Variants in SPATA6 observed in about 807,000 individuals in gnomAD.
SPATA6 encodes spermatogenesis associated 6, also known as spermatogenesis-associated protein 6.
SPATA6 carries 56 observed loss-of-function variants against 65.3 expected under a neutral mutation model. The ratio of observed to expected loss-of-function variants is 0.86; its 90% confidence interval spans 0.69 to 1.07. The LOEUF (loss-of-function observed/expected upper bound fraction) is 1.07. Ranked by LOEUF, SPATA6 falls within the 50% of genes least tolerant of loss-of-function variation. The pLI is 0.00. For missense variants in SPATA6, 590 were observed against 594.8 expected, an observed-to-expected ratio of 0.99 and a Z score of 0.08; for synonymous variants, 199 against 213.2, an observed-to-expected ratio of 0.93 and a Z score of 0.58.
the SPATA6 span, among the ~76,000 whole-genome samples, chr1:48,285,817 A>G: frequency 1.3e-5 from 2 of 152,144 alleles, no homozygotes; most frequent in South Asian, 4.1e-4. Context: ...TCAGTTGGAA[A>G]TGCAGAAATC....
At chr1:48,464,236 A>C (rs1197265595) in intron 1 of SPATA6, among the ~76,000 whole-genome samples, 1 of 152,136 alleles carries the variant, frequency 6.6e-6, no homozygotes. Flanking sequence ...AAAAAACGAC[A>C]AAGATACCTA....
intron 1 of SPATA6, 81 bp downstream of exon 1, chr1:48,471,877 G>C: frequency 1.3e-6 from 2 of 1,510,102 alleles, no homozygotes; most frequent in Non-Finnish European, 1.8e-6. Flanking sequence ...AGGAGGTTTG[G>C]GGGTGGTTCC....
At chr1:48,368,345 T>A (rs1168754966) in intron 9 of SPATA6, among the ~76,000 whole-genome samples, 3 of 152,218 alleles carry the variant, frequency 2.0e-5, no homozygotes, top group African/African-American at 7.2e-5. Context: ...TTGGTCTGCC[T>A]TGCTAGATTG....
intron 3 of SPATA6, among the ~76,000 whole-genome samples, chr1:48,415,038 T>C (rs533810730): frequency 6.8e-6 from 1 of 147,238 alleles, no homozygotes; most frequent in East Asian, 2.0e-4. Context: ...CAGCAAGAGA[T>C]TCTTTAAAGA....
chr1:48,451,072 T>C (rs1166459363), intron 3 of SPATA6, among the ~76,000 whole-genome samples: 2 of 152,236 alleles, frequency 1.3e-5, no homozygotes, highest in African/African-American at 4.8e-5. Flanking sequence ...ATGCAGAGCC[T>C]TGAAAAAATG....
rs762439736 is a variant in SPATA6 at position 48,355,718 on chromosome 1, C to G, written c.1146G>C (p.Arg382=). ...GATGTGATTTCAAGACATTTTTTAC[C>G]CGGTCATGGATCTCATCGCAGTTTG... The part of the protein sequence containing the change: ...SPSNCDEIHD[R]VKNVLKSHQA... The change falls in exon 11 of 13, where the codon CGG becomes CGC. Residue 382 remains arginine, a synonymous_variant. Coordinates refer to ENST00000371847, the MANE Select transcript of SPATA6 (RefSeq NM_019073.4). The G allele has an allele frequency of 6.2e-7, 1 of 1,612,532 alleles. No homozygotes were observed. Among genetic ancestry groups the G allele is most frequent in the South Asian group, 1.1e-5 (1 of 90,952 alleles).
chr1:48,450,804 G>T (rs181065329), intron 3 of SPATA6, among the ~76,000 whole-genome samples: 2 of 152,246 alleles, frequency 1.3e-5, no homozygotes, highest in Admixed American at 6.5e-5. Flanking sequence ...TGCTGAAGTC[G>T]CAATGGGGCC....
At chr1:48,305,939 T>C (rs1645051920) in intron 11 of SPATA6, 61 bp from the exon 12 acceptor site, 1 of 1,265,932 alleles carries the variant, frequency 7.9e-7, no homozygotes, top group Non-Finnish European at 1.1e-6. Flanking sequence ...ATGATGCATA[T>C]GTTTCTTCAT....
At chr1:48,409,654 T>G (rs1312653216) in intron 5 of SPATA6, among the ~76,000 whole-genome samples, 1 of 152,214 alleles carries the variant, frequency 6.6e-6, no homozygotes, top group Non-Finnish European at 1.5e-5. Context: ...CCACACATCT[T>G]CTGAAATCTA....
chr1:48,445,659 C>CAA (rs10632587), intron 3 of SPATA6, among the ~76,000 whole-genome samples: 5,792 of 51,160 alleles, frequency 0.11, 1,548 homozygotes, highest in African/African-American at 0.17. Flanking sequence ...GACTCTGTCT[C>CAA]AAAAAAAAAA....
intron 5 of SPATA6, among the ~76,000 whole-genome samples, chr1:48,404,668 A>G (rs1229716693): frequency 6.6e-6 from 1 of 152,132 alleles, no homozygotes. Context: ...AAAAAAAACA[A>G]AACAAAAAAC....
intron 3 of SPATA6, among the ~76,000 whole-genome samples, chr1:48,414,224 A>C (rs1652547292): frequency 6.6e-6 from 1 of 152,220 alleles, no homozygotes; most frequent in African/African-American, 2.4e-5. Context: ...TTTTACTTCC[A>C]GGAGTTCTAC....
chr1:48,324,099 G>T (rs965193740), intron 11 of SPATA6, among the ~76,000 whole-genome samples: 2 of 151,896 alleles, frequency 1.3e-5, no homozygotes, highest in South Asian at 2.1e-4. Flanking sequence ...ACAGATGTAC[G>T]CCACCACACC....
At chr1:48,441,074 C>T (rs1655418760) in intron 3 of SPATA6, among the ~76,000 whole-genome samples, 1 of 152,132 alleles carries the variant, frequency 6.6e-6, no homozygotes, top group Admixed American at 6.5e-5. Flanking sequence ...AAACAAGCTG[C>T]CCACCCTGCC....
At chr1:48,446,738 C>T (rs529804894) in intron 3 of SPATA6, among the ~76,000 whole-genome samples, 2 of 152,010 alleles carry the variant, frequency 1.3e-5, no homozygotes, top group African/African-American at 2.4e-5. Context: ...CATTTAAATA[C>T]CTTTCTCTTA....
intron 5 of SPATA6, among the ~76,000 whole-genome samples, chr1:48,407,178 C>T (rs995950964): frequency 6.6e-6 from 1 of 152,096 alleles, no homozygotes; most frequent in Non-Finnish European, 1.5e-5. Flanking sequence ...CATAGGAGTC[C>T]TACCCTCTGC....
chr1:48,452,389 T>C, intron 2 of SPATA6, among the ~76,000 whole-genome samples: 1 of 89,362 alleles, frequency 1.1e-5, no homozygotes, highest in East Asian at 2.9e-4. Context: ...CATATATTCT[T>C]TTTTTTTTTT....
chr1:48,437,752 T>G (rs1476906285), intron 3 of SPATA6, among the ~76,000 whole-genome samples: 2 of 152,230 alleles, frequency 1.3e-5, no homozygotes, highest in African/African-American at 4.8e-5. Flanking sequence ...TCACTCACAT[T>G]AAATGATTCA....
At chr1:48,350,775 T>C (rs1312815803) in intron 11 of SPATA6, among the ~76,000 whole-genome samples, 1 of 151,964 alleles carries the variant, frequency 6.6e-6, no homozygotes, top group African/African-American at 2.4e-5. Context: ...TTCATTACTG[T>C]GCTTTATTGC....
Sources: allele counts gnomAD v4.1 joint callset (sites outside exome capture counted in the v4.1 genomes callset), GRCh38; gene constraint gnomAD v4.1.1; transcripts MANE v1.5; gene names NCBI Gene and HGNC (gene_info 2026-07-23, HGNC 2026-07-21).